Variants in NEDD4 observed in about 807,000 individuals in gnomAD.
NEDD4 encodes the protein E3 ubiquitin-protein ligase NEDD4.
In NEDD4, 99 loss-of-function variants were observed where a neutral mutation model predicts 144.9. That is an observed-to-expected ratio of 0.68 (90% CI 0.58 to 0.81). The LOEUF (loss-of-function observed/expected upper bound fraction) is 0.81. NEDD4 is among the 30% of genes least tolerant of loss of function. The pLI, the probability that NEDD4 is intolerant of heterozygous loss-of-function variation, is 0.00. For synonymous variants in NEDD4, 318 were observed against 350.6 expected (o/e 0.91, Z 1.04); for missense variants, 985 against 1,065.9 (o/e 0.92, Z 1.06).
chr15:55,886,551 G>A lies in NEDD4; in HGVS notation c.292-12543C>T, dbSNP rs980682627. Among the ~76,000 whole-genome samples, 11 of 152,124 alleles carry A rather than the reference G, an allele frequency of 7.2e-5. 1 individual carries two copies. Among genetic ancestry groups the A allele is most frequent in the Admixed American group, 6.5e-4 (10 of 15,270 alleles). ...GGAGGCCGAGGTGGGTGGATCACGA[G>A]GTCAGAGATCGAGACCATCCTGCCA... On this transcript the variant is annotated intron_variant, in intron 5 of 28. Coordinates refer to ENST00000435532, the MANE Select transcript of NEDD4 (RefSeq NM_006154.4).
chr15:55,971,091 A>C (rs2037600583), intron 1 of NEDD4, among the ~76,000 whole-genome samples: 1 of 152,224 alleles, frequency 6.6e-6, no homozygotes, highest in Non-Finnish European at 1.5e-5. Flanking sequence ...AAAGAGATTA[A>C]AAACCTCTTT....
intron 4 of NEDD4, among the ~76,000 whole-genome samples, chr15:55,939,135 C>A (rs570003151): frequency 4.6e-5 from 7 of 152,048 alleles, no homozygotes; most frequent in Admixed American, 3.9e-4. Flanking sequence ...AACAAAAAAA[C>A]CCACCACCAA....
intron 4 of NEDD4, among the ~76,000 whole-genome samples, chr15:55,947,434 C>G (rs12591657): frequency 6.6e-6 from 1 of 152,030 alleles, no homozygotes; most frequent in East Asian, 1.9e-4. Flanking sequence ...ATAAATTCCT[C>G]GACACATACA....
At chr15:55,969,701 G>A (rs72734369) in intron 1 of NEDD4, among the ~76,000 whole-genome samples, 23,063 of 151,938 alleles carry the variant, frequency 0.15, 1,910 homozygotes, top group East Asian at 0.32. Flanking sequence ...ACCCAGTCCT[G>A]CCAGATTTCA....
rs564385465 is a variant in NEDD4 at position 55,934,860 on chromosome 15, C to CTTTTTTTT, written c.238-10169_238-10162dup. On this transcript the variant is annotated intron_variant, in intron 4 of 28. Transcript: ENST00000435532. Reference sequence around the variant, plus strand: ...ATATATTCCTATATACAATGTTCTGCTTTTTTTTTTTTTTTTTTTTTTTTT... The same window carrying CTTTTTTTT: ...ATATATTCCTATATACAATGTTCTGCTTTTTTTTTTTTTTTTTTTTTTTTTTTTTTTTT... 3.1e-4 allele frequency: 25 copies of CTTTTTTTT among 80,858 alleles called. 4 individuals are homozygous for CTTTTTTTT. Among genetic ancestry groups the CTTTTTTTT allele is most frequent in the East Asian group, 4.7e-4 (1 of 2,120 alleles). The allele number at this position is 80,858 out of a possible 1,614,324, so 5.0% of individuals were successfully genotyped here. A position where few individuals can be genotyped will look rare whatever the true frequency, so the allele number is the denominator to read the frequency against.
intron 12 of NEDD4, 137 bp from the exon 13 acceptor site, chr15:55,852,680 C>CT: frequency 3.6e-6 from 1 of 281,410 alleles, no homozygotes; most frequent in Non-Finnish European, 6.0e-6. Context: ...ACAGTTTTGC[C>CT]TTTTCTAGAA....
intron 1 of NEDD4, among the ~76,000 whole-genome samples, chr15:55,983,838 T>C (rs1291159258): frequency 4.6e-5 from 7 of 152,122 alleles, no homozygotes; most frequent in Non-Finnish European, 1.0e-4. Context: ...CTCGAACTCC[T>C]GACCTCAAGT....
intron 4 of NEDD4, among the ~76,000 whole-genome samples, chr15:55,948,715 A>G (rs150037696): frequency 0.019 from 2,921 of 152,302 alleles, 102 homozygotes; most frequent in African/African-American, 0.067. Flanking sequence ...AGGATTCCCT[A>G]TTTAATAAAT....
chr15:55,963,304 TGA>T (rs1182557152), intron 2 of NEDD4, among the ~76,000 whole-genome samples: 2 of 151,902 alleles, frequency 1.3e-5, no homozygotes, highest in Non-Finnish European at 2.9e-5. Context: ...GCTAATTTTT[TGA>T]CTTTTTCTAG....
chr15:55,900,835 T>A (rs988988703), intron 5 of NEDD4, among the ~76,000 whole-genome samples: 1 of 152,196 alleles, frequency 6.6e-6, no homozygotes, highest in African/African-American at 2.4e-5. Flanking sequence ...CTAGGATATA[T>A]TTCCCATTGC....
Position 55,829,128 on chromosome 15 carries a change from A to G in NEDD4, c.*769T>C, listed in dbSNP as rs1430260067. The G allele has an allele frequency of 6.6e-6, 1 of 152,580 alleles. No individual in the cohort carries two copies. Among genetic ancestry groups the G allele is most frequent in the Non-Finnish European group, 1.5e-5 (1 of 68,038 alleles). The allele number at this position is 152,580 out of a possible 1,614,324, so 9.5% of individuals were successfully genotyped here. On this transcript the variant is annotated 3_prime_UTR_variant, in exon 29 of 29. Coordinates refer to ENST00000435532, the MANE Select transcript of NEDD4 (RefSeq NM_006154.4). ...ATATGAAAAAGTGATGACTATACCA[A>G]TGGTCAATAGGATATGCAGGCAAGA...
At chr15:55,862,732 T>C (rs553594950) in intron 9 of NEDD4, among the ~76,000 whole-genome samples, 181 bp downstream of exon 9, 1 of 152,282 alleles carries the variant, frequency 6.6e-6, no homozygotes, top group South Asian at 2.1e-4. Context: ...TATTATCAAG[T>C]CATTTAAAAA....
chr15:55,938,342 GAAAAC>G (rs1176895905), intron 4 of NEDD4, among the ~76,000 whole-genome samples: 4 of 152,122 alleles, frequency 2.6e-5, no homozygotes, highest in East Asian at 1.9e-4. Flanking sequence ...GAGACTGTCT[GAAAAC>G]AAAACAAAAC....
In NEDD4 at chr15:55,870,107, T is replaced by C. The variant is rs116639110; in HGVS notation, c.405-426A>G. Among the ~76,000 whole-genome samples, 839 of 152,186 alleles carry C rather than the reference T, an allele frequency of 5.5e-3. 9 individuals carry two copies. The highest frequency in any genetic ancestry group is 0.02 in the African/African-American group (814 of 41,524). ...ATTAAGGAAATTGCAGTAGTTGAGT[T>C]TGGCTAGATTATAGGACATGTAAAG... On this transcript the variant is annotated intron_variant, in intron 7 of 28. Transcript: ENST00000435532.
At chr15:55,917,253 C>T (rs1182218911) in intron 5 of NEDD4, 1 of 703,320 alleles carries the variant, frequency 1.4e-6, no homozygotes. Flanking sequence ...TTCACCCCAG[C>T]TCTACTAAAT....
At chr15:55,917,834 GA>G (rs200765053) in intron 5 of NEDD4, among the ~76,000 whole-genome samples, 13 of 148,110 alleles carry the variant, frequency 8.8e-5, no homozygotes, top group East Asian at 2.0e-4. Context: ...ATGCAGATTA[GA>G]AAAAAAAAAC....
intron 4 of NEDD4, among the ~76,000 whole-genome samples, chr15:55,945,896 T>C (rs1427847635): frequency 1.3e-5 from 2 of 152,172 alleles, no homozygotes; most frequent in Admixed American, 6.5e-5. Context: ...CAGAATTTCA[T>C]ATCCAGCCAA....
At position 55,840,022 on chromosome 15, in the gene NEDD4, ATATATATATATATATATAT is replaced by A. The variant is rs1566901213; in HGVS notation, c.2031+406_2031+424del. 3.2e-3 allele frequency among the ~76,000 whole-genome samples: 238 copies of A among 74,952 alleles called. 2 individuals carry two copies. Among genetic ancestry groups the A allele is most frequent in the Middle Eastern group, 8.2e-3 (1 of 122 alleles). The allele number at this position is 74,952 out of a possible 152,430, so 49.2% of individuals were successfully genotyped here. The stretch of plus-strand genomic sequence containing the variant: ...AAAATATATATATATATATATATAT[ATATATATATATATATATAT>A]AACATTCATCATAAAAGATCATAAT... On this transcript the variant is annotated intron_variant, in intron 21 of 28. Transcript: ENST00000435532.
chr15:55,950,696 C>T (rs2037222116), intron 4 of NEDD4, among the ~76,000 whole-genome samples: 1 of 152,092 alleles, frequency 6.6e-6, no homozygotes, highest in African/African-American at 2.4e-5. Flanking sequence ...AGACAACTCT[C>T]CCATGAATGT....
Sources: gnomAD v4.1 joint callset for allele counts (sites outside exome capture counted in the v4.1 genomes callset) on GRCh38, gnomAD v4.1.1 for gene constraint, MANE v1.5 for transcripts, NCBI Gene and HGNC (gene_info 2026-07-23, HGNC 2026-07-21) for gene names.